Variants in PLCB1 observed in about 807,000 individuals in gnomAD.
PLCB1 encodes 1-phosphatidylinositol 4,5-bisphosphate phosphodiesterase beta-1.
PLCB1 carries 46 observed loss-of-function variants against 161.8 expected under a neutral mutation model. That is an observed-to-expected ratio of 0.28 (90% CI 0.22 to 0.36). The LOEUF (loss-of-function observed/expected upper bound fraction) is 0.36, where lower values mean the gene tolerates loss of function less well. Ranked by LOEUF, PLCB1 falls within the 10% of genes least tolerant of loss-of-function variation. The probability of loss-of-function intolerance (pLI) is 1.00; values close to 1 mark genes in which losing one functional copy is unlikely to be tolerated. For synonymous variants in PLCB1, 517 were observed against 503.7 expected, an observed-to-expected ratio of 1.03 and a Z score of -0.35; for missense variants, 1,016 against 1,472.5, an observed-to-expected ratio of 0.69 and a Z score of 5.07.
chr20:8,780,347 C>A (rs1241327759), intron 27 of PLCB1, among the ~76,000 whole-genome samples: 1 of 152,234 alleles, frequency 6.6e-6, no homozygotes, highest in Non-Finnish European at 1.5e-5. Context: ...CTCGACCCAC[C>A]ATTTTGTCTT....
chr20:8,215,324 G>GA (rs890933266), intron 2 of PLCB1, among the ~76,000 whole-genome samples: 9 of 148,926 alleles, frequency 6.0e-5, no homozygotes, highest in East Asian at 3.9e-4. Flanking sequence ...AGCTAACAGA[G>GA]AAAAAAAAAA....
intron 31 of PLCB1, among the ~76,000 whole-genome samples, chr20:8,820,074 A>G (rs1306751735): frequency 1.3e-5 from 2 of 148,402 alleles, no homozygotes; most frequent in African/African-American, 4.9e-5. Context: ...GTTACACTGT[A>G]TTGGTTATAA....
chr20:8,692,446 C>T (rs1179044000), intron 10 of PLCB1, among the ~76,000 whole-genome samples: 1 of 152,126 alleles, frequency 6.6e-6, no homozygotes, highest in Non-Finnish European at 1.5e-5. Flanking sequence ...ATAAACAGGG[C>T]CCAGTTTAAA....
chr20:8,864,655 C>A (rs1418378479), intron 31 of PLCB1, among the ~76,000 whole-genome samples: 1 of 152,152 alleles, frequency 6.6e-6, no homozygotes, highest in Non-Finnish European at 1.5e-5. Flanking sequence ...ATTCAGTATT[C>A]CAAGTATTGC....
intron 1 of PLCB1, among the ~76,000 whole-genome samples, chr20:8,143,165 C>T (rs908061516): frequency 5.3e-5 from 8 of 152,048 alleles, no homozygotes; most frequent in South Asian, 4.2e-4. Flanking sequence ...CTTTAGTTAC[C>T]GTCTTCTTCT....
chr20:8,218,621 C>A (rs1979253631), intron 2 of PLCB1, among the ~76,000 whole-genome samples: 1 of 151,434 alleles, frequency 6.6e-6, no homozygotes, highest in African/African-American at 2.4e-5. Flanking sequence ...ACATAGTAAG[C>A]ACTCTATAGC....
intron 3 of PLCB1, among the ~76,000 whole-genome samples, chr20:8,547,715 CCAGTGTTTTCTCCACCTA>C (rs1985607118): frequency 6.6e-6 from 1 of 152,184 alleles, no homozygotes; most frequent in Non-Finnish European, 1.5e-5. Context: ...ATGCTCCTCT[CCAGTGTTTTCTCCACCTA>C]CATTGAGAGC....
chr20:8,577,058 TGAC>T (rs1986692128), intron 3 of PLCB1, among the ~76,000 whole-genome samples: 1 of 152,132 alleles, frequency 6.6e-6, no homozygotes, highest in Non-Finnish European at 1.5e-5. Context: ...AATGTGAGTT[TGAC>T]GACAAGTTGC....
intron 2 of PLCB1, among the ~76,000 whole-genome samples, chr20:8,258,272 T>A (rs1981524618): frequency 6.6e-6 from 1 of 152,308 alleles, no homozygotes; most frequent in Admixed American, 6.5e-5. Flanking sequence ...TAATATTGAC[T>A]GAATTATGCC....
At chr20:8,795,994 A>C (rs1984010133) in intron 31 of PLCB1, among the ~76,000 whole-genome samples, 1 of 152,150 alleles carries the variant, frequency 6.6e-6, no homozygotes, top group Non-Finnish European at 1.5e-5. Context: ...TTATAAGAAG[A>C]ATCATCTTTT....
At chr20:8,865,289 A>T (rs539416642) in intron 31 of PLCB1, among the ~76,000 whole-genome samples, 9 of 152,348 alleles carry the variant, frequency 5.9e-5, no homozygotes, top group Admixed American at 3.3e-4. Flanking sequence ...ATTTATAGTT[A>T]GGATTATTCT....
At chr20:8,729,023 T>C (rs759992928) in intron 17 of PLCB1, 27 bp from the exon 18 acceptor site, 4 of 1,465,122 alleles carry the variant, frequency 2.7e-6, no homozygotes, top group Non-Finnish European at 3.7e-6. Flanking sequence ...TTTATAATTG[T>C]ATTCACTACT....
intron 11 of PLCB1, among the ~76,000 whole-genome samples, chr20:8,703,344 A>G (rs1978476780): frequency 6.6e-6 from 1 of 152,248 alleles, no homozygotes; most frequent in Non-Finnish European, 1.5e-5. Context: ...GCCAAATGTT[A>G]GCTTTCTTTC....
chr20:8,261,603 T>C (rs1981702543), intron 2 of PLCB1, among the ~76,000 whole-genome samples: 1 of 152,072 alleles, frequency 6.6e-6, no homozygotes. Context: ...AGAGTATAAC[T>C]AGAAAATTTA....
intron 2 of PLCB1, among the ~76,000 whole-genome samples, chr20:8,237,207 T>A (rs1980371562): frequency 1.3e-5 from 2 of 152,056 alleles, no homozygotes; most frequent in Non-Finnish European, 2.9e-5. Context: ...AATTGAAACA[T>A]AAACTGTAAG....
chr20:8,740,364 A>G lies in PLCB1; in HGVS notation c.2329A>G (p.Arg777Gly). The stretch of plus-strand genomic sequence containing the variant: ...TCCAGGCTATCACTATATCTGTCTA[A>G]GGAATGAAAGGAACCAGCCTCTGAC... The part of the protein sequence containing the change: ...IRPGYHYICL[R>G]NERNQPLTLP... The change falls in exon 22 of 32, where the codon AGG (arginine) becomes GGG (glycine). Residue 777 changes from arginine (R) to glycine (G), a missense_variant. Physicochemically the swap from Arg to Gly is moderately radical, Grantham distance 125. Transcript: ENST00000338037. The G allele has an allele frequency of 6.2e-7, 1 of 1,604,642 alleles. No homozygotes were observed. The highest frequency in any genetic ancestry group is 8.5e-7 in the Non-Finnish European group (1 of 1,173,628).
At chr20:8,663,191 TATATACACACAACATAG>T (rs1989728572) in intron 9 of PLCB1, among the ~76,000 whole-genome samples, 1 of 151,564 alleles carries the variant, frequency 6.6e-6, no homozygotes, top group African/African-American at 2.4e-5. Flanking sequence ...ATATAACATA[TATATACACACAACATAG>T]ATATACACAC....
chr20:8,565,317 TCA>T (rs1461069007), intron 3 of PLCB1, among the ~76,000 whole-genome samples: 1 of 151,948 alleles, frequency 6.6e-6, no homozygotes, highest in Non-Finnish European at 1.5e-5. Context: ...AAGGGGAACA[TCA>T]CACACTGGGG....
At chr20:8,666,983 A>G (rs1989827097) in intron 9 of PLCB1, among the ~76,000 whole-genome samples, 1 of 151,792 alleles carries the variant, frequency 6.6e-6, no homozygotes, top group South Asian at 2.1e-4. Flanking sequence ...TTTAAAAACC[A>G]CTCCTCTGAA....
Sources: gnomAD v4.1 joint callset for allele counts (sites outside exome capture counted in the v4.1 genomes callset) on GRCh38, gnomAD v4.1.1 for gene constraint, MANE v1.5 for transcripts, NCBI Gene and HGNC (gene_info 2026-07-23, HGNC 2026-07-21) for gene names.